DNAH9: variants seen among roughly 807,000 people sequenced by gnomAD.
The protein encoded by DNAH9 is DNAH9 variant protein.
A neutral mutation model predicts 471.6 loss-of-function variants in DNAH9; 345 were observed. The observed-to-expected ratio is 0.73, with a 90% CI of 0.67 to 0.80. The LOEUF (loss-of-function observed/expected upper bound fraction) is 0.80. Among genes scored for constraint, DNAH9 ranks in the 30% least tolerant of loss-of-function variants. DNAH9 has a pLI of 0.00. For missense variants in DNAH9, 5,407 were observed against 5,609.2 expected (o/e 0.96, Z 1.15); for synonymous variants, 2,093 against 2,123.6 (o/e 0.99, Z 0.40).
intron 22 of DNAH9, among the ~76,000 whole-genome samples, chr17:11,698,186 A>ATTAATTATATATG (rs1418867892): frequency 1.7e-5 from 2 of 120,760 alleles, no homozygotes; most frequent in Non-Finnish European, 3.2e-5. Context: ...ATATTATTAT[A>ATTAATTATATATG]TTAATATAAT....
At chr17:11,769,083 G>C in intron 37 of DNAH9, 39 bp from the exon 38 acceptor site, 1 of 1,608,170 alleles carries the variant, frequency 6.2e-7, no homozygotes, top group African/African-American at 1.3e-5. Context: ...TTTCTCCCTA[G>C]AGCCCACCCT....
At chr17:11,852,938 C>A (rs927294303) in intron 49 of DNAH9, among the ~76,000 whole-genome samples, 1 of 145,034 alleles carries the variant, frequency 6.9e-6, no homozygotes, top group Non-Finnish European at 1.5e-5. Context: ...AAATATATTT[C>A]TCATATTTAA....
In DNAH9 at chr17:11,813,678, G is replaced by A. The variant is rs150346202; in HGVS notation, c.8707+3309G>A. Among the ~76,000 whole-genome samples, 774 of 152,212 alleles carry A rather than the reference G, an allele frequency of 5.1e-3. 2 individuals carry two copies. The highest frequency in any genetic ancestry group is 9.5e-3 in the Non-Finnish European group (644 of 68,018). On this transcript the variant is annotated intron_variant, in intron 45 of 68. Coordinates refer to ENST00000262442, the MANE Select transcript of DNAH9 (RefSeq NM_001372.4). ...AAACCAATGATCTCATGCCCTGGGC[G>A]GAGTTTCCTCTCACACTTCTTTATC...
At chr17:11,826,434 G>A (rs1567829712) in intron 48 of DNAH9, among the ~76,000 whole-genome samples, 1 of 131,406 alleles carries the variant, frequency 7.6e-6, no homozygotes, top group African/African-American at 2.8e-5. Context: ...AGTTCTGTAT[G>A]TTTTCTTTTT....
chr17:11,966,449 C>T (rs1976734485), intron 68 of DNAH9, among the ~76,000 whole-genome samples: 1 of 152,046 alleles, frequency 6.6e-6, no homozygotes, highest in African/African-American at 2.4e-5. Context: ...CACTAGTAAA[C>T]CAGCCTTATA....
At chr17:11,919,137 G>A (rs758621102) in intron 61 of DNAH9, among the ~76,000 whole-genome samples, 2 of 152,094 alleles carry the variant, frequency 1.3e-5, no homozygotes, top group Non-Finnish European at 2.9e-5. Flanking sequence ...TAATGGAGGC[G>A]TGTCCACCAG....
intron 50 of DNAH9, among the ~76,000 whole-genome samples, chr17:11,863,989 T>G (rs1296820878): frequency 6.6e-6 from 1 of 151,326 alleles, no homozygotes; most frequent in East Asian, 1.9e-4. Context: ...GATTCATTAA[T>G]TTTTTGAAGG....
chr17:11,890,778 A>C (rs750461641), intron 57 of DNAH9, among the ~76,000 whole-genome samples: 1 of 152,038 alleles, frequency 6.6e-6, no homozygotes, highest in Non-Finnish European at 1.5e-5. Flanking sequence ...GCACCAGCAT[A>C]GTTCATTGCA....
intron 61 of DNAH9, among the ~76,000 whole-genome samples, chr17:11,921,597 G>A (rs1974140256): frequency 1.3e-5 from 2 of 152,166 alleles, no homozygotes; most frequent in Non-Finnish European, 2.9e-5. Flanking sequence ...ACTTGCTCAA[G>A]GCCCAATAAG....
chr17:11,669,450 C>T lies in DNAH9; in HGVS notation c.3009C>T (p.Cys1003=), dbSNP rs759540938. Residue 1003 remains cysteine (C), a synonymous_variant, in exon 17 of 69, where the codon TGC becomes TGT. Coordinates refer to ENST00000262442, the MANE Select transcript of DNAH9 (RefSeq NM_001372.4). ...MERVQRMMGL[C]CGYQSTFSQY... Reference sequence around the variant, plus strand: ...GAGTCCAGAGAATGATGGGCCTCTGCTGTGGCTATCAGAGCACCTTCAGCC... The same window carrying T: ...GAGTCCAGAGAATGATGGGCCTCTGTTGTGGCTATCAGAGCACCTTCAGCC... 5.0e-6 allele frequency: 8 copies of T among 1,613,992 alleles called. No homozygotes were observed. The highest frequency in any genetic ancestry group is 6.8e-6 in the Non-Finnish European group (8 of 1,179,876).
intron 7 of DNAH9, among the ~76,000 whole-genome samples, chr17:11,632,276 G>A (rs2073084021): frequency 6.6e-6 from 1 of 152,194 alleles, no homozygotes; most frequent in Non-Finnish European, 1.5e-5. Context: ...TCAGGGTTAT[G>A]TGAGCTGGTG....
intron 36 of DNAH9, among the ~76,000 whole-genome samples, chr17:11,765,832 C>T (rs965645524): frequency 2.6e-5 from 4 of 152,144 alleles, no homozygotes; most frequent in African/African-American, 9.7e-5. Flanking sequence ...TTTAATTGCT[C>T]CCCGTCAAAT....
In DNAH9 at chr17:11,854,239, C is replaced by A. The variant is rs12449553; in HGVS notation, c.9744C>A (p.Pro3248=). The change falls in exon 50 of 69, where the codon CCC becomes CCA. Residue 3248 remains proline, a synonymous_variant. Transcript: ENST00000262442. ...LKAIRPYLQD[P]EFNPEFVATK... ...CCATCAGGCCGTATCTGCAAGACCC[C>A]GAGTTCAATCCTGAGTTTGTGGCCA... is the stretch of plus-strand genomic sequence containing the variant. 12 of 1,613,982 alleles carry A rather than the reference C, an allele frequency of 7.4e-6. No individual in the cohort carries two copies. Among genetic ancestry groups the A allele is most frequent in the Middle Eastern group, 1.6e-4 (1 of 6,062 alleles).
At chr17:11,919,121 T>C (rs1394436058) in intron 61 of DNAH9, among the ~76,000 whole-genome samples, 1 of 151,864 alleles carries the variant, frequency 6.6e-6, no homozygotes. Context: ...GCAGACAAAA[T>C]GGCAGTAATG....
intron 61 of DNAH9, among the ~76,000 whole-genome samples, chr17:11,908,201 T>C (rs1462178353): frequency 2.0e-5 from 3 of 152,222 alleles, no homozygotes; most frequent in Non-Finnish European, 4.4e-5. Flanking sequence ...TATTTTCATC[T>C]GAGTTTGGTT....
At chr17:11,767,453 T>A (rs900168944) in intron 36 of DNAH9, among the ~76,000 whole-genome samples, 4 of 152,222 alleles carry the variant, frequency 2.6e-5, no homozygotes, top group African/African-American at 9.6e-5. Flanking sequence ...AAGAATTCAA[T>A]CCTATTTATT....
intron 29 of DNAH9, among the ~76,000 whole-genome samples, chr17:11,739,673 T>A (rs1022323699): frequency 6.6e-6 from 1 of 152,192 alleles, no homozygotes; most frequent in Non-Finnish European, 1.5e-5. Context: ...ACCTCTTTTA[T>A]TTCACCCTTG....
chr17:11,779,781 GTGT>G (rs1273045957), intron 38 of DNAH9, among the ~76,000 whole-genome samples: 1 of 152,216 alleles, frequency 6.6e-6, no homozygotes, highest in Non-Finnish European at 1.5e-5. Context: ...GGGGAAGAAG[GTGT>G]TGTGTGATTA....
intron 68 of DNAH9, among the ~76,000 whole-genome samples, chr17:11,967,034 CAAA>C (rs375839377): frequency 1.5e-5 from 1 of 65,122 alleles, no homozygotes; most frequent in African/African-American, 5.7e-5. Context: ...GACTCCATCT[CAAA>C]AAAAAAAAAA....
Sources: allele counts gnomAD v4.1 joint callset (sites outside exome capture counted in the v4.1 genomes callset), GRCh38; gene constraint gnomAD v4.1.1; transcripts MANE v1.5; gene names NCBI Gene and HGNC (gene_info 2026-07-23, HGNC 2026-07-21).